FRG1: variants seen among roughly 807,000 people sequenced by gnomAD.
FRG1 encodes the protein protein FRG1.
In FRG1, 19 loss-of-function variants were observed where a neutral mutation model predicts 37.0. That is an observed-to-expected ratio of 0.51 (90% CI 0.36 to 0.75). The LOEUF is 0.75. Ranked by LOEUF, FRG1 falls within the 30% of genes least tolerant of loss-of-function variation. FRG1 has a pLI of 0.00. For synonymous variants in FRG1, 73 were observed against 96.5 expected, an observed-to-expected ratio of 0.76 and a Z score of 1.43; for missense variants, 243 against 301.4, an observed-to-expected ratio of 0.81 and a Z score of 1.44.
At chr4:189,949,567 A>G (rs1396707335) in intron 2 of FRG1, among the ~76,000 whole-genome samples, 1 of 152,254 alleles carries the variant, frequency 6.6e-6, no homozygotes, top group Non-Finnish European at 1.5e-5. Flanking sequence ...TTTGCAAAAC[A>G]TTAATGAGTT....
chr4:189,947,033 T>G (rs1182609906), intron 2 of FRG1, among the ~76,000 whole-genome samples: 5 of 152,206 alleles, frequency 3.3e-5, no homozygotes, highest in Non-Finnish European at 1.5e-5. Context: ...TTTAAATATT[T>G]TTAGTAGAGA....
chr4:189,957,895 C>T (rs540545991), intron 6 of FRG1, among the ~76,000 whole-genome samples: 163 of 152,220 alleles, frequency 1.1e-3, no homozygotes, highest in African/African-American at 3.7e-3. Flanking sequence ...GCCTGCCATG[C>T]GTCTTACTCA....
Position 189,943,255 on chromosome 4 carries a change from C to A in FRG1, c.116C>A (p.Thr39Asn), listed in dbSNP as rs1736396038. The A allele has an allele frequency of 6.2e-7, 1 of 1,608,398 alleles. No individual in the cohort carries two copies. Among genetic ancestry groups the A allele is most frequent in the African/African-American group, 1.3e-5 (1 of 74,676 alleles). ...AGAAAAAGAGAAGAAGATGAAGAAACCCAGCTTGATATTGTTGGTGAGTCA... is the reference window on the plus strand; with the variant it reads ...AGAAAAAGAGAAGAAGATGAAGAAAACCAGCTTGATATTGTTGGTGAGTCA... ...KKRKREEDEE[T>N]QLDIVGIWWT... Residue 39 changes from threonine (T) to asparagine (N), a missense_variant, in exon 2 of 9, where the codon ACC becomes AAC. Thr to Asn is a moderately conservative substitution (Grantham distance 65, BLOSUM62 0). Coordinates refer to ENST00000226798, the MANE Select transcript of FRG1 (RefSeq NM_004477.3).
At chr4:189,947,322 G>C (rs60554210) in intron 2 of FRG1, among the ~76,000 whole-genome samples, 2 of 54,226 alleles carry the variant, frequency 3.7e-5, no homozygotes, top group Non-Finnish European at 3.1e-5. Context: ...TTTTGAAGCC[G>C]TCATGTGTAC....
intron 2 of FRG1, among the ~76,000 whole-genome samples, chr4:189,943,654 A>G (rs1390852451): frequency 6.6e-6 from 1 of 152,224 alleles, no homozygotes; most frequent in Admixed American, 6.5e-5. Flanking sequence ...AAGTATCTTC[A>G]CAGGAAAAAT....
intron 6 of FRG1, among the ~76,000 whole-genome samples, chr4:189,958,740 C>T (rs544324943): frequency 6.6e-6 from 1 of 151,970 alleles, no homozygotes; most frequent in South Asian, 2.1e-4. Context: ...CTAGATAAAT[C>T]AAGTAGTTAA....
chr4:189,955,234 G>C, intron 5 of FRG1, 83 bp downstream of exon 5: 3 of 775,076 alleles, frequency 3.9e-6, no homozygotes, highest in Non-Finnish European at 6.7e-6. Flanking sequence ...TATTTAAAAA[G>C]AAAAAGTAGG....
At chr4:189,956,342 G>A (rs1338471259) in intron 5 of FRG1, among the ~76,000 whole-genome samples, 4 of 152,176 alleles carry the variant, frequency 2.6e-5, no homozygotes, top group East Asian at 1.9e-4. Flanking sequence ...AAGTTACACC[G>A]GTAGAAAAGG....
At chr4:189,953,493 A>T (rs999130621) in intron 4 of FRG1, among the ~76,000 whole-genome samples, 3 of 152,166 alleles carry the variant, frequency 2.0e-5, no homozygotes, top group Non-Finnish European at 4.4e-5. Flanking sequence ...AAACCAGCAG[A>T]GAATGTTACA....
chr4:189,957,331 T>C, intron 5 of FRG1, 67 bp from the exon 6 acceptor site: 1 of 1,534,462 alleles, frequency 6.5e-7, no homozygotes, highest in Non-Finnish European at 8.8e-7. Flanking sequence ...ATTAATTCAG[T>C]CTAAACACTT....
chr4:189,954,388 C>A (rs1015854870), intron 4 of FRG1, among the ~76,000 whole-genome samples: 1 of 136,968 alleles, frequency 7.3e-6, no homozygotes, highest in African/African-American at 2.7e-5. Flanking sequence ...GTACATAGAA[C>A]TATTTATAAT....
intron 5 of FRG1, among the ~76,000 whole-genome samples, chr4:189,955,382 T>TA (rs1291685115): frequency 6.6e-6 from 1 of 152,228 alleles, no homozygotes; most frequent in Admixed American, 6.5e-5. Flanking sequence ...AGTGCCTAGA[T>TA]ATGGATCTCA....
chr4:189,951,759 G>A (rs1247708137), intron 2 of FRG1, among the ~76,000 whole-genome samples: 1 of 151,918 alleles, frequency 6.6e-6, no homozygotes, highest in East Asian at 1.9e-4. Context: ...TTGAACTCTG[G>A]GCTCAAGTGA....
intron 2 of FRG1, among the ~76,000 whole-genome samples, chr4:189,944,304 G>A (rs1450722318): frequency 1.3e-5 from 2 of 152,160 alleles, no homozygotes; most frequent in Non-Finnish European, 2.9e-5. Context: ...AGCCTCCCGA[G>A]TAGCTGGGAG....
At chr4:189,954,183 G>A (rs1489221665) in intron 4 of FRG1, among the ~76,000 whole-genome samples, 2 of 151,708 alleles carry the variant, frequency 1.3e-5, no homozygotes, top group Non-Finnish European at 2.9e-5. Flanking sequence ...AGGTTTTCAA[G>A]TATTTTTTTA....
chr4:189,954,238 T>C (rs374680097), intron 4 of FRG1, among the ~76,000 whole-genome samples: 3 of 151,952 alleles, frequency 2.0e-5, no homozygotes, highest in African/African-American at 7.3e-5. Flanking sequence ...AAACATACTC[T>C]GTTAATTTGA....
At chr4:189,950,421 T>C (rs568316865) in intron 2 of FRG1, among the ~76,000 whole-genome samples, 41 of 152,336 alleles carry the variant, frequency 2.7e-4, no homozygotes, top group African/African-American at 9.4e-4. Flanking sequence ...GCCTTTGATG[T>C]TCTACATAAG....
At chr4:189,950,087 G>A (rs926364385) in intron 2 of FRG1, among the ~76,000 whole-genome samples, 96 of 152,168 alleles carry the variant, frequency 6.3e-4, no homozygotes, top group Non-Finnish European at 8.8e-4. Context: ...TAATGGGTGT[G>A]AAGTGGTATT....
intron 7 of FRG1, 96 bp downstream of exon 7, chr4:189,960,935 G>T: frequency 1.4e-6 from 2 of 1,410,136 alleles, no homozygotes; most frequent in East Asian, 2.4e-5. Context: ...GGGCATGGTG[G>T]TACATGCCTA....
Sources: gnomAD v4.1 joint callset for allele counts (sites outside exome capture counted in the v4.1 genomes callset) on GRCh38, gnomAD v4.1.1 for gene constraint, MANE v1.5 for transcripts, NCBI Gene and HGNC (gene_info 2026-07-23, HGNC 2026-07-21) for gene names.